Variants in TJP1 observed in about 807,000 individuals in gnomAD.
TJP1 encodes the protein tight junction protein ZO-1.
Under a neutral mutation model 194.2 loss-of-function variants are expected in TJP1, and 43 were observed. The observed-to-expected ratio is 0.22, with a 90% confidence interval of 0.17 to 0.29. The LOEUF is 0.29. Among genes scored for constraint, TJP1 ranks in the 10% least tolerant of loss-of-function variants. The pLI is 1.00. For missense variants in TJP1, 1,971 were observed against 2,185.7 expected, an observed-to-expected ratio of 0.90 and a Z score of 1.96; for synonymous variants, 801 against 779.0, an observed-to-expected ratio of 1.03 and a Z score of -0.47.
At position 29,741,402 on chromosome 15, in the gene TJP1, T is replaced by C; in HGVS notation, c.1185A>G (p.Pro395=). ...PKPVYAQVGQ[P]DVDLPVSPSD... ...ATGGACTGACAGGTAAATCCACATC[T>C]GGTTGCCCAACTTGGGCATACACAG... Residue 395 remains proline (P), a synonymous_variant, in exon 10 of 28, where the codon CCA becomes CCG. Coordinates refer to ENST00000614355, the MANE Select transcript of TJP1 (RefSeq NM_001330239.4). 6.2e-7 allele frequency: 1 copy of C among 1,605,828 alleles called. No homozygotes were observed. The highest frequency in any genetic ancestry group is 1.1e-5 in the South Asian group (1 of 89,050).
intron 19 of TJP1, 99 bp from the exon 20 acceptor site, chr15:29,720,115 C>A (rs2042838579): frequency 2.8e-6 from 4 of 1,446,472 alleles, no homozygotes; most frequent in Non-Finnish European, 3.7e-6. Flanking sequence ...TTTAAGTGTG[C>A]TGAATAACAA....
At chr15:29,730,061 C>T (rs972974376) in intron 15 of TJP1, among the ~76,000 whole-genome samples, 9 of 152,032 alleles carry the variant, frequency 5.9e-5, no homozygotes, top group Non-Finnish European at 1.3e-4. Context: ...AAAAGCCTAA[C>T]TGAACCAAAA....
At chr15:29,905,424 A>G (rs1274010830) in intron 2 of TJP1, among the ~76,000 whole-genome samples, 1 of 152,254 alleles carries the variant, frequency 6.6e-6, no homozygotes, top group African/African-American at 2.4e-5. Context: ...AACTTACAAC[A>G]AAGTACCATG....
chr15:29,809,364 GAAGCAAATACCAA>G (rs1461858592), intron 1 of TJP1, among the ~76,000 whole-genome samples: 1 of 152,090 alleles, frequency 6.6e-6, no homozygotes, highest in African/African-American at 2.4e-5. Context: ...TCACCACAAG[GAAGCAAATACCAA>G]AATTCATACT....
chr15:29,699,753 C>T (rs997336616), downstream of TJP1: 4 of 152,488 alleles, frequency 2.6e-5, no homozygotes, highest in South Asian at 2.1e-4. Flanking sequence ...CCATTTTCTT[C>T]CCCCAAATGT....
At chr15:29,906,653 C>T (rs1378046762) in intron 2 of TJP1, among the ~76,000 whole-genome samples, 2 of 151,780 alleles carry the variant, frequency 1.3e-5, no homozygotes, top group Non-Finnish European at 2.9e-5. Context: ...AATCTCAGCT[C>T]ACTCCAACCT....
chr15:29,888,971 C>T (rs557518524), intron 2 of TJP1, among the ~76,000 whole-genome samples: 2 of 152,198 alleles, frequency 1.3e-5, no homozygotes, highest in African/African-American at 4.8e-5. Context: ...TGCAAAATGC[C>T]CAGGAAATGT....
At chr15:29,860,917 T>G (rs1188255489) in intron 2 of TJP1, among the ~76,000 whole-genome samples, 1 of 152,240 alleles carries the variant, frequency 6.6e-6, no homozygotes, top group Non-Finnish European at 1.5e-5. Context: ...TCTTCTTACA[T>G]GTAATGCTAC....
chr15:29,704,976 C>T (rs928162364), intron 26 of TJP1, among the ~76,000 whole-genome samples: 2 of 152,192 alleles, frequency 1.3e-5, no homozygotes, highest in African/African-American at 4.8e-5. Flanking sequence ...CAACACACTT[C>T]GTTATAATAT....
At chr15:29,835,079 T>A (rs1049378504) in intron 2 of TJP1, among the ~76,000 whole-genome samples, 1 of 152,126 alleles carries the variant, frequency 6.6e-6, no homozygotes, top group Non-Finnish European at 1.5e-5. Context: ...CCAGGAGAAG[T>A]GGGCTGGATG....
chr15:29,934,061 C>T (rs2054807591), intron 2 of TJP1, among the ~76,000 whole-genome samples: 1 of 152,218 alleles, frequency 6.6e-6, no homozygotes, highest in Non-Finnish European at 1.5e-5. Context: ...TTTGCTTCAA[C>T]TCACCCATGA....
At chr15:29,834,481 G>C (rs1233655907) in intron 2 of TJP1, among the ~76,000 whole-genome samples, 1 of 152,190 alleles carries the variant, frequency 6.6e-6, no homozygotes, top group African/African-American at 2.4e-5. Context: ...GCCTCCCAGA[G>C]TGCTGGGATT....
At chr15:29,743,643 C>T (rs1220125999) in intron 8 of TJP1, among the ~76,000 whole-genome samples, 1 of 152,122 alleles carries the variant, frequency 6.6e-6, no homozygotes, top group African/African-American at 2.4e-5. Flanking sequence ...GGGAGAATTG[C>T]TTGAGCCGAG....
chr15:29,928,438 G>A (rs968732856), intron 2 of TJP1, among the ~76,000 whole-genome samples: 2 of 141,786 alleles, frequency 1.4e-5, no homozygotes, highest in African/African-American at 5.3e-5. Context: ...ACTATAAATT[G>A]TTTAAGCCAT....
At chr15:29,724,293 T>C (rs1347640423) in intron 18 of TJP1, among the ~76,000 whole-genome samples, 1 of 152,222 alleles carries the variant, frequency 6.6e-6, no homozygotes, top group Non-Finnish European at 1.5e-5. Flanking sequence ...CAGGGATCTA[T>C]CCTGTTAGAG....
At chr15:29,770,776 T>C (rs1031373722) in intron 4 of TJP1, among the ~76,000 whole-genome samples, 1 of 151,992 alleles carries the variant, frequency 6.6e-6, no homozygotes, top group African/African-American at 2.4e-5. Flanking sequence ...GTCAAAAAGT[T>C]AGAAAGTTTA....
chr15:29,710,179 G>A (rs1368828798), intron 24 of TJP1, among the ~76,000 whole-genome samples: 3 of 151,920 alleles, frequency 2.0e-5, no homozygotes, highest in Non-Finnish European at 4.4e-5. Context: ...AAGGCATAAG[G>A]ACTGGAAAGT....
At chr15:29,933,054 G>C (rs2054770726) in intron 2 of TJP1, among the ~76,000 whole-genome samples, 1 of 152,104 alleles carries the variant, frequency 6.6e-6, no homozygotes, top group Non-Finnish European at 1.5e-5. Flanking sequence ...AATGTAAAGA[G>C]CATAAAAATC....
intron 27 of TJP1, among the ~76,000 whole-genome samples, chr15:29,702,984 G>C (rs189502216): frequency 6.6e-6 from 1 of 152,186 alleles, no homozygotes. Context: ...ACTCAAGGAA[G>C]TGAGAAATGT....
Sources: gnomAD v4.1 joint callset for allele counts (sites outside exome capture counted in the v4.1 genomes callset) on GRCh38, gnomAD v4.1.1 for gene constraint, MANE v1.5 for transcripts, NCBI Gene and HGNC (gene_info 2026-07-23, HGNC 2026-07-21) for gene names.